ARHGAP17: variants seen among roughly 807,000 people sequenced by gnomAD.
ARHGAP17 encodes Rho GTPase activating protein 17, also known as rho GTPase-activating protein 17.
ARHGAP17 carries 57 observed loss-of-function variants against 99.5 expected under a neutral mutation model. The observed-to-expected ratio is 0.57, with a 90% CI of 0.46 to 0.71. The LOEUF (loss-of-function observed/expected upper bound fraction) is 0.71, where lower values mean the gene tolerates loss of function less well. ARHGAP17 is among the 30% of genes least tolerant of loss of function. The probability of loss-of-function intolerance (pLI) is 0.00; values close to 1 mark genes in which losing one functional copy is unlikely to be tolerated. For synonymous variants in ARHGAP17, 417 were observed against 429.6 expected (o/e 0.97, Z 0.36); for missense variants, 1,000 against 1,122.4 (o/e 0.89, Z 1.56).
rs547723316 is a variant in ARHGAP17, at chr16:24,919,983, G to A, written c.*147C>T. 4.6e-5 allele frequency: 55 copies of A among 1,186,588 alleles called. No homozygotes were observed. Among genetic ancestry groups the A allele is most frequent in the East Asian group, 1.3e-4 (5 of 39,230 alleles). 73.5% of individuals were successfully genotyped at this position (1,186,588 alleles called of 1,614,324 possible). On this transcript the variant is annotated 3_prime_UTR_variant, in exon 20 of 20. Coordinates refer to ENST00000289968, the MANE Select transcript of ARHGAP17 (RefSeq NM_001006634.3). The stretch of plus-strand genomic sequence containing the variant: ...GTGGCCTCCAGGTTCTCCTTGGGCC[G>A]TGCAGAAGGCCAGGTCCCGCACAGT...
intron 14 of ARHGAP17, among the ~76,000 whole-genome samples, chr16:24,946,754 G>A (rs1241979090): frequency 6.6e-6 from 1 of 152,172 alleles, no homozygotes; most frequent in African/African-American, 2.4e-5. Context: ...AAACCTTGCT[G>A]AACGAATCCT....
chr16:24,937,535 A>G (rs2051175453), intron 17 of ARHGAP17, among the ~76,000 whole-genome samples: 1 of 152,248 alleles, frequency 6.6e-6, no homozygotes, highest in African/African-American at 2.4e-5. Flanking sequence ...TTAAACCAAA[A>G]CAAGTACATG....
intron 18 of ARHGAP17, among the ~76,000 whole-genome samples, chr16:24,933,740 A>G (rs545391898): frequency 6.6e-6 from 1 of 150,570 alleles, no homozygotes; most frequent in South Asian, 2.1e-4. Context: ...GTGGGAGCAA[A>G]GTGTCAGGGG....
At chr16:24,938,833 A>C (rs1037130747) in intron 17 of ARHGAP17, among the ~76,000 whole-genome samples, 1 of 152,076 alleles carries the variant, frequency 6.6e-6, no homozygotes, top group Non-Finnish European at 1.5e-5. Flanking sequence ...CCTTGGACTC[A>C]TGGATCAACT....
At chr16:24,935,933 T>C (rs2152453426) in intron 17 of ARHGAP17, 1 of 423,714 alleles carries the variant, frequency 2.4e-6, no homozygotes, top group Non-Finnish European at 4.4e-6. Flanking sequence ...CTCAGCACCC[T>C]GAGTAGCCGG....
chr16:24,994,941 T>C (rs2053150506), intron 1 of ARHGAP17, among the ~76,000 whole-genome samples: 1 of 152,196 alleles, frequency 6.6e-6, no homozygotes, highest in Admixed American at 6.5e-5. Context: ...AGGAAAGAGA[T>C]TTAATTGACT....
intron 1 of ARHGAP17, 70 bp downstream of exon 1, chr16:25,015,139 T>TGGGGGC: frequency 8.4e-7 from 1 of 1,195,762 alleles, no homozygotes; most frequent in African/African-American, 1.7e-5. Flanking sequence ...GGAGGAGCCG[T>TGGGGGC]CCCGCCCCCG....
intron 1 of ARHGAP17, 128 bp from the exon 2 acceptor site, chr16:24,979,133 G>T: frequency 1.6e-6 from 1 of 643,368 alleles, no homozygotes; most frequent in Non-Finnish European, 2.6e-6. Context: ...GTTGGCAGGG[G>T]CAGTTTACCA....
rs1252886359 is a variant in ARHGAP17 at position 24,947,559 on chromosome 16, G to C, written c.1164C>G (p.Thr388=). ...TGGGAGTCATTTTATTCACATCGCT[G>C]GTCTGAGCAAGCTTTGCAAGGAACT... ...LIKFLAKLAQ[T]SDVNKMTPSN... is the part of the protein sequence containing the mutation. Residue 388 remains threonine, a synonymous_variant, in exon 14 of 20, where the codon ACC becomes ACG. Coordinates refer to ENST00000289968, the MANE Select transcript of ARHGAP17 (RefSeq NM_001006634.3). 6.2e-7 allele frequency: 1 copy of C among 1,613,090 alleles called. No homozygotes were observed. Among genetic ancestry groups the C allele is most frequent in the Admixed American group, 1.7e-5 (1 of 60,016 alleles).
intron 1 of ARHGAP17, among the ~76,000 whole-genome samples, chr16:24,998,090 G>C (rs1196654363): frequency 6.6e-6 from 1 of 151,942 alleles, no homozygotes; most frequent in Non-Finnish European, 1.5e-5. Context: ...AGGGAGGGCA[G>C]GGAAGAAGCC....
At chr16:24,923,727 TAA>T (rs1160793042) in intron 19 of ARHGAP17, among the ~76,000 whole-genome samples, 2,528 of 119,902 alleles carry the variant, frequency 0.021, 59 homozygotes, top group African/African-American at 0.064. Context: ...CTCTTTTTTT[TAA>T]AAAAAAAAAA....
intron 7 of ARHGAP17, among the ~76,000 whole-genome samples, chr16:24,961,911 T>TTATATATATCTATATATATATATA (rs2052015359): frequency 7.7e-6 from 1 of 130,030 alleles, no homozygotes; most frequent in African/African-American, 3.2e-5. Flanking sequence ...CATAGGAATT[T>TTATATATATCTATATATATATATA]TATATATATA....
At chr16:24,972,937 A>T (rs1257507533) in intron 3 of ARHGAP17, among the ~76,000 whole-genome samples, 2 of 147,438 alleles carry the variant, frequency 1.4e-5, no homozygotes, top group Non-Finnish European at 3.0e-5. Flanking sequence ...ATCAGGGATA[A>T]TTTTTTTTTT....
intron 14 of ARHGAP17, among the ~76,000 whole-genome samples, chr16:24,945,236 T>C (rs1451734353): frequency 1.3e-5 from 2 of 150,870 alleles, no homozygotes; most frequent in East Asian, 2.0e-4. Context: ...GGTTGGAGGA[T>C]AGCCTGAGCC....
chr16:24,958,057 C>T (rs1452383881), intron 9 of ARHGAP17, among the ~76,000 whole-genome samples: 1 of 152,136 alleles, frequency 6.6e-6, no homozygotes. Context: ...TAAAGGGTGA[C>T]CTCAGCAAGA....
intron 1 of ARHGAP17, among the ~76,000 whole-genome samples, chr16:24,983,061 G>A (rs1277883019): frequency 7.6e-6 from 1 of 131,606 alleles, no homozygotes; most frequent in Non-Finnish European, 1.5e-5. Context: ...CTGGAGTGCA[G>A]TGCCACAATC....
intron 1 of ARHGAP17, among the ~76,000 whole-genome samples, chr16:25,010,772 C>T (rs979451510): frequency 1.3e-5 from 2 of 152,280 alleles, no homozygotes; most frequent in African/African-American, 4.8e-5. Context: ...TACATTACCA[C>T]AGCAGCCCCT....
intron 15 of ARHGAP17, 36 bp from the exon 16 acceptor site, chr16:24,942,179 T>C (rs757886971): frequency 3.2e-6 from 5 of 1,541,824 alleles, no homozygotes; most frequent in Admixed American, 3.7e-5. Flanking sequence ...CATGAGACAC[T>C]GAGCACAGCA....
chr16:24,936,571 T>C (rs1472319682), intron 17 of ARHGAP17: 1 of 152,022 alleles, frequency 6.6e-6, no homozygotes, highest in African/African-American at 2.4e-5. Context: ...CCAGGCGTGG[T>C]GGCGCATGCC....
Sources: gnomAD v4.1 joint callset for allele counts (sites outside exome capture counted in the v4.1 genomes callset) on GRCh38, gnomAD v4.1.1 for gene constraint, MANE v1.5 for transcripts, NCBI Gene and HGNC (gene_info 2026-07-23, HGNC 2026-07-21) for gene names.